HEPHL1: variants seen among roughly 807,000 people sequenced by gnomAD.
HEPHL1 encodes hephaestin like 1.
A neutral mutation model predicts 122.0 loss-of-function variants in HEPHL1; 123 were observed. That is an observed-to-expected ratio of 1.01 (90% CI 0.87 to 1.17). The LOEUF is 1.17. HEPHL1 is among the 50% of genes most tolerant of loss of function. HEPHL1 has a pLI of 0.00. For synonymous variants in HEPHL1, 527 were observed against 508.9 expected, an observed-to-expected ratio of 1.04 and a Z score of -0.48; for missense variants, 1,452 against 1,430.5, an observed-to-expected ratio of 1.01 and a Z score of -0.24.
chr11:94,058,251 T>C lies in HEPHL1; in HGVS notation c.416-5257T>C, dbSNP rs1378325959. On this transcript the variant is annotated intron_variant, in intron 2 of 19. Transcript: ENST00000315765. ...CAAGCATAAACATTGCTATATGTTT[T>C]TATTCAATTTCTAGATACCAAAATG... 3.3e-5 allele frequency among the ~76,000 whole-genome samples: 5 copies of C among 152,202 alleles called. No homozygotes were observed. In the South Asian group the frequency reaches 8.3e-4, roughly 25 times the overall value.
In HEPHL1 at chr11:94,082,394, T is replaced by C. The variant is rs201293987; in HGVS notation, c.1717-24T>C. The C allele has an allele frequency of 1.1e-4, 168 of 1,563,758 alleles. No individual in the cohort carries two copies. In the African/African-American group the frequency reaches 2.1e-3, roughly 20 times the overall value. On this transcript the variant is annotated intron_variant, in intron 9 of 19. Coordinates refer to ENST00000315765, the MANE Select transcript of HEPHL1 (RefSeq NM_001098672.2). The stretch of plus-strand genomic sequence containing the variant: ...ATTCCTCCAAGCTGTACCTTTTATG[T>C]ATTCATTTCTTTCTTCTCTGTAGAA...
rs755367459 is a variant in HEPHL1, at chr11:94,046,091, CTT to C, written c.415+194_415+195del. 7.2e-4 allele frequency among the ~76,000 whole-genome samples: 47 copies of C among 65,046 alleles called. 1 individual carries two copies. The East Asian group carries it at 0.02, about 27-fold the overall frequency. 42.7% of individuals were successfully genotyped at this position (65,046 alleles called of 152,430 possible). The stretch of plus-strand genomic sequence containing the variant: ...TTCTGTCTCTCTCTTCCCTTTCTTG[CTT>C]TTTTTTTTTTTTTTTTTTTGAGAGG... On this transcript the variant is annotated intron_variant, in intron 2 of 19. Coordinates refer to ENST00000315765, the MANE Select transcript of HEPHL1 (RefSeq NM_001098672.2).
chr11:94,073,029 T>A lies in HEPHL1; in HGVS notation c.1237T>A (p.Ser413Thr). 2.5e-6 allele frequency: 4 copies of A among 1,612,452 alleles called. No homozygotes were observed. Among genetic ancestry groups the A allele is most frequent in the Non-Finnish European group, 3.4e-6 (4 of 1,178,878 alleles). Residue 413 changes from serine (S) to threonine (T), a missense_variant, in exon 7 of 20, where the codon TCT becomes ACT. Physicochemically the swap from Ser to Thr is moderately conservative, Grantham distance 58. Transcript: ENST00000315765. ...GLPLNASGSD[S>T]DLYFTQGDNR... ...CACATTCCTATGTCTTTTCAGTGAC[T>A]CTGATCTCTACTTCACACAAGGGGA...
chr11:94,031,331 T>TACACACACACACAC (rs3058474), intron 1 of HEPHL1, among the ~76,000 whole-genome samples: 86 of 144,606 alleles, frequency 5.9e-4, no homozygotes, highest in African/African-American at 1.2e-3. Flanking sequence ...TGTGCATTGT[T>TACACACACACACAC]ACACACACAC....
At chr11:94,062,997 G>A (rs528253014) in intron 2 of HEPHL1, among the ~76,000 whole-genome samples, 45 of 152,204 alleles carry the variant, frequency 3.0e-4, no homozygotes, top group East Asian at 2.1e-3. Flanking sequence ...TGTTTAATAC[G>A]TATTCTAGTC....
At chr11:94,110,664 T>C (rs1946440926) in intron 17 of HEPHL1, among the ~76,000 whole-genome samples, 1 of 152,228 alleles carries the variant, frequency 6.6e-6, no homozygotes, top group African/African-American at 2.4e-5. Flanking sequence ...GTGGGGATCA[T>C]TGTGGGCCAT....
chr11:94,060,345 A>G (rs1378327671), intron 2 of HEPHL1, among the ~76,000 whole-genome samples: 1 of 151,804 alleles, frequency 6.6e-6, no homozygotes, highest in African/African-American at 2.4e-5. Context: ...GTGTAAATAT[A>G]TATATGGTGT....
intron 9 of HEPHL1, 80 bp from the exon 10 acceptor site, chr11:94,082,338 G>C (rs944106411): frequency 1.3e-5 from 14 of 1,049,084 alleles, no homozygotes; most frequent in Non-Finnish European, 1.6e-5. Context: ...TTAATATTTT[G>C]TGTGAACTTT....
chr11:94,096,119 CAG>C lies in HEPHL1; in HGVS notation c.2434+2480_2434+2481del, dbSNP rs1946310428. Among the ~76,000 whole-genome samples, 3 of 152,228 alleles carry C rather than the reference CAG, an allele frequency of 2.0e-5. No homozygotes were observed. The South Asian group carries it at 6.2e-4, about 32-fold the overall frequency. ...TGCCAGTTTTCAAAGGGAATGCTTC[CAG>C]TTTTTGCCCATTCAGTATGATATTG... On this transcript the variant is annotated intron_variant, in intron 13 of 19. Coordinates refer to ENST00000315765, the MANE Select transcript of HEPHL1 (RefSeq NM_001098672.2).
intron 1 of HEPHL1, among the ~76,000 whole-genome samples, chr11:94,035,708 C>T (rs1204060489): frequency 6.6e-6 from 1 of 152,084 alleles, no homozygotes; most frequent in Non-Finnish European, 1.5e-5. Flanking sequence ...CTGTTGGTCC[C>T]CCTCCAGAGT....
intron 15 of HEPHL1, among the ~76,000 whole-genome samples, chr11:94,103,273 CAAAAAAA>C (rs755716566): frequency 6.8e-5 from 3 of 44,292 alleles, no homozygotes; most frequent in Non-Finnish European, 1.4e-4. Context: ...TTTTTTTTCC[CAAAAAAA>C]AAAAAAAAAA....
rs183477980 is a variant in HEPHL1, at chr11:94,083,495, T to C, written c.1867+927T>C. Among the ~76,000 whole-genome samples the C allele has an allele frequency of 2.6e-5, 4 of 152,198 alleles. No individual in the cohort carries two copies. The East Asian group carries it at 7.7e-4, about 29-fold the overall frequency. ...AGTCCAAACTCAATGCCTGCAAGAG[T>C]GTGCAGTCAATAAAAGTGCCCGAAG... is the stretch of plus-strand genomic sequence containing the variant. On this transcript the variant is annotated intron_variant, in intron 10 of 19. Coordinates refer to ENST00000315765, the MANE Select transcript of HEPHL1 (RefSeq NM_001098672.2).
At chr11:94,074,237 C>T (rs1011338437) in intron 8 of HEPHL1, among the ~76,000 whole-genome samples, 3 of 152,154 alleles carry the variant, frequency 2.0e-5, no homozygotes, top group South Asian at 2.1e-4. Flanking sequence ...TCTCTTGCTG[C>T]GGTAACAATT....
Position 94,101,363 on chromosome 11 carries a change from C to A in HEPHL1, c.2575+28C>A, listed in dbSNP as rs757196970. The A allele has an allele frequency of 2.3e-5, 37 of 1,594,404 alleles. No homozygotes were observed. In the South Asian group the frequency reaches 3.9e-4, roughly 17 times the overall value. The stretch of plus-strand genomic sequence containing the variant: ...AAGTTGTGTCAGAGGTCTGCTCCAT[C>A]TTGAAGAAGAACATTGGCGTCAACT... On this transcript the variant is annotated intron_variant, in intron 14 of 19. Coordinates refer to ENST00000315765, the MANE Select transcript of HEPHL1 (RefSeq NM_001098672.2).
At chr11:94,026,694 G>T (rs191279099) in intron 1 of HEPHL1, among the ~76,000 whole-genome samples, 2 of 152,336 alleles carry the variant, frequency 1.3e-5, no homozygotes, top group Admixed American at 1.3e-4. Context: ...CTGTCTCTGG[G>T]AGGGAGATCA....
intron 14 of HEPHL1, among the ~76,000 whole-genome samples, chr11:94,102,418 A>G (rs981699716): frequency 6.6e-6 from 1 of 152,164 alleles, no homozygotes; most frequent in African/African-American, 2.4e-5. Context: ...ACCAGATCTC[A>G]CCTGCCCACT....
At chr11:94,096,377 G>A (rs1478331895) in intron 13 of HEPHL1, among the ~76,000 whole-genome samples, 1 of 152,198 alleles carries the variant, frequency 6.6e-6, no homozygotes, top group Non-Finnish European at 1.5e-5. Context: ...AAGCCCACTT[G>A]ATCATGGTGG....
Position 94,111,454 on chromosome 11 carries a change from G to T in HEPHL1, c.3209-83G>T, listed in dbSNP as rs1287611297. The stretch of plus-strand genomic sequence containing the variant: ...GCAGATACTGATGGGATAAGTCCTC[G>T]CTGGTGAAATGAAATGACTAGTGTC... On this transcript the variant is annotated intron_variant, in intron 18 of 19. Coordinates refer to ENST00000315765, the MANE Select transcript of HEPHL1 (RefSeq NM_001098672.2). 3.7e-6 allele frequency: 4 copies of T among 1,074,224 alleles called. No individual in the cohort carries two copies. The South Asian group carries it at 4.1e-5, about 11-fold the overall frequency. The allele number at this position is 1,074,224 out of a possible 1,614,324, so 66.5% of individuals were successfully genotyped here. A position where few individuals can be genotyped will look rare whatever the true frequency, so the allele number is the denominator to read the frequency against.
intron 1 of HEPHL1, among the ~76,000 whole-genome samples, chr11:94,040,037 G>A (rs1295581643): frequency 1.6e-5 from 1 of 62,182 alleles, no homozygotes; most frequent in African/African-American, 8.0e-5. Flanking sequence ...TGATAAAGGG[G>A]ATATCACCAC....
Sources: allele counts gnomAD v4.1 joint callset (sites outside exome capture counted in the v4.1 genomes callset), GRCh38; gene constraint gnomAD v4.1.1; transcripts MANE v1.5; gene names NCBI Gene and HGNC (gene_info 2026-07-23, HGNC 2026-07-21).